SNX29: variants seen among roughly 807,000 people sequenced by gnomAD.
SNX29 encodes the protein sorting nexin-29.
Under a neutral mutation model 102.1 loss-of-function variants are expected in SNX29, and 78 were observed. The ratio of observed to expected loss-of-function variants is 0.76; its 90% CI spans 0.64 to 0.92. The LOEUF (loss-of-function observed/expected upper bound fraction) is 0.92. Among genes scored for constraint, SNX29 ranks in the 40% least tolerant of loss-of-function variants. SNX29 has a pLI of 0.00. For synonymous variants in SNX29, 580 were observed against 414.5 expected, an observed-to-expected ratio of 1.40 and a Z score of -4.85; for missense variants, 1,280 against 1,061.7, an observed-to-expected ratio of 1.21 and a Z score of -2.86.
At chr16:12,561,651 C>T (rs1167529120) in intron 20 of SNX29, among the ~76,000 whole-genome samples, 6 of 152,214 alleles carry the variant, frequency 3.9e-5, no homozygotes, top group African/African-American at 7.2e-5. Context: ...ACAGCCACTC[C>T]TGGGGCCCTC....
chr16:12,385,057 C>G (rs544434935), intron 16 of SNX29, among the ~76,000 whole-genome samples: 1 of 152,306 alleles, frequency 6.6e-6, no homozygotes, highest in South Asian at 2.1e-4. Flanking sequence ...ATAGTACTAG[C>G]TACTTGGGAG....
At chr16:12,051,233 G>T (rs28552858) in intron 7 of SNX29, among the ~76,000 whole-genome samples, 26,777 of 151,896 alleles carry the variant, frequency 0.18, 2,542 homozygotes, top group African/African-American at 0.2. Flanking sequence ...GGAGGCTGAG[G>T]GCAGAGGATT....
At position 12,164,984 on chromosome 16, in the gene SNX29, G is replaced by A. The variant is rs569436189; in HGVS notation, c.1596-34617G>A. On this transcript the variant is annotated intron_variant, in intron 13 of 20. Transcript: ENST00000566228. The stretch of plus-strand genomic sequence containing the variant: ...GTTACAGGTGTGAGCCACCGCACCC[G>A]GCCTTATTCATGCCTTTTTGACTCA... 2.0e-5 allele frequency among the ~76,000 whole-genome samples: 3 copies of A among 152,188 alleles called. No homozygotes were observed. In the East Asian group the frequency reaches 5.8e-4, roughly 29 times the overall value.
intron 11 of SNX29, among the ~76,000 whole-genome samples, chr16:12,115,100 C>T (rs547737772): frequency 6.6e-6 from 1 of 152,266 alleles, no homozygotes; most frequent in Admixed American, 6.5e-5. Flanking sequence ...ACAGTCAAGC[C>T]CAGACCTAGC....
chr16:12,018,944 A>C (rs576007881), intron 3 of SNX29, among the ~76,000 whole-genome samples: 66 of 151,860 alleles, frequency 4.3e-4, no homozygotes, highest in African/African-American at 1.5e-3. Context: ...GAAAGATTTA[A>C]ATCTTTTTGT....
intron 13 of SNX29, among the ~76,000 whole-genome samples, chr16:12,179,616 G>A (rs554298903): frequency 6.6e-6 from 1 of 152,316 alleles, no homozygotes; most frequent in East Asian, 1.9e-4. Flanking sequence ...GTCTCATCTT[G>A]AGTTTATGTT....
At chr16:12,198,816 A>C (rs144106972) in intron 13 of SNX29, among the ~76,000 whole-genome samples, 1 of 152,238 alleles carries the variant, frequency 6.6e-6, no homozygotes, top group East Asian at 1.9e-4. Context: ...TACTGAATGA[A>C]GCATCTTTCC....
chr16:12,145,141 A>T (rs2055013872), intron 13 of SNX29, among the ~76,000 whole-genome samples: 1 of 152,002 alleles, frequency 6.6e-6, no homozygotes, highest in East Asian at 1.9e-4. Context: ...CACAAGTGGG[A>T]TTCTACCATG....
intron 14 of SNX29, among the ~76,000 whole-genome samples, chr16:12,236,248 G>A (rs372862381): frequency 5.3e-5 from 8 of 152,192 alleles, no homozygotes; most frequent in East Asian, 3.9e-4. Flanking sequence ...AAGGGAATGC[G>A]GTCACTGTTA....
At chr16:11,991,085 G>T (rs1055985951) in intron 1 of SNX29, among the ~76,000 whole-genome samples, 1 of 152,318 alleles carries the variant, frequency 6.6e-6, no homozygotes, top group African/African-American at 2.4e-5. Flanking sequence ...TATGCTAAAG[G>T]TGTAGGTTCA....
chr16:12,536,368 G>A (rs1456250055), intron 20 of SNX29, among the ~76,000 whole-genome samples: 2 of 151,998 alleles, frequency 1.3e-5, no homozygotes, highest in African/African-American at 4.8e-5. Flanking sequence ...TGGGGGTAAA[G>A]CTTGTTTATG....
Position 12,061,559 on chromosome 16 carries a change from A to T in SNX29, c.1156A>T (p.Met386Leu). 6.2e-7 allele frequency: 1 copy of T among 1,609,850 alleles called. No individual in the cohort carries two copies. The highest frequency in any genetic ancestry group is 1.7e-4 in the Middle Eastern group (1 of 6,058). ...PLEGNTCLSQ[M>L]HSWAPLKVLH... ...GGAAGGGAACACCTGCCTCTCCCAG[A>T]TGCACAGCTGGGCTCCGCTGAAGGT... Residue 386 changes from methionine (M) to leucine (L), a missense_variant, in exon 9 of 21, where the codon ATG becomes TTG. Transcript: ENST00000566228.
rs542551448 is a variant in SNX29, at chr16:12,501,820, T to A, written c.2179-22882T>A. ...TTCAGCCTAGCAGAGAATTTTATGG[T>A]TTTATTTGTTTACTTATTAAACAAA... is the stretch of plus-strand genomic sequence containing the variant. On this transcript the variant is annotated intron_variant, in intron 19 of 20. Coordinates refer to ENST00000566228, the MANE Select transcript of SNX29 (RefSeq NM_032167.5). Among the ~76,000 whole-genome samples the A allele has an allele frequency of 2.6e-5, 4 of 151,958 alleles. No individual in the cohort carries two copies. In the East Asian group the frequency reaches 5.8e-4, roughly 22 times the overall value.
intron 20 of SNX29, among the ~76,000 whole-genome samples, chr16:12,564,469 G>C (rs557484652): frequency 9.8e-5 from 15 of 152,302 alleles, no homozygotes; most frequent in African/African-American, 3.6e-4. Flanking sequence ...GGGAGGTTAT[G>C]GATCTTTCTC....
intron 20 of SNX29, among the ~76,000 whole-genome samples, chr16:12,549,820 T>G (rs1230308155): frequency 6.6e-6 from 1 of 152,268 alleles, no homozygotes; most frequent in Non-Finnish European, 1.5e-5. Flanking sequence ...GTGCCCTGTG[T>G]GGCCAGGCCT....
chr16:12,499,284 C>CA (rs2088988981), intron 19 of SNX29, among the ~76,000 whole-genome samples: 1 of 152,200 alleles, frequency 6.6e-6, no homozygotes, highest in African/African-American at 2.4e-5. Context: ...CAGATGCCCC[C>CA]AATGCACTGA....
Position 12,570,307 on chromosome 16 carries a change from G to GA in SNX29, c.*1679dup, listed in dbSNP as rs2079159942. ...CAGTTTGCGAGTGTGGAGGACCCGA[G>GA]ACATCCTGTAAAGGCAACTTGGTCT... On this transcript the variant is annotated 3_prime_UTR_variant, in exon 21 of 21. Coordinates refer to ENST00000566228, the MANE Select transcript of SNX29 (RefSeq NM_032167.5). The GA allele has an allele frequency of 9.7e-7, 1 of 1,033,460 alleles. No individual in the cohort carries two copies. The highest frequency in any genetic ancestry group is 1.2e-6 in the Non-Finnish European group (1 of 850,404). The allele number at this position is 1,033,460 out of a possible 1,614,324, so 64.0% of individuals were successfully genotyped here. A position where few individuals can be genotyped will look rare whatever the true frequency, so the allele number is the denominator to read the frequency against.
chr16:12,562,117 C>T (rs947052164), intron 20 of SNX29, among the ~76,000 whole-genome samples: 30 of 152,162 alleles, frequency 2.0e-4, no homozygotes, highest in Non-Finnish European at 4.1e-4. Flanking sequence ...GTTCACTCTC[C>T]TGTGTGACCC....
intron 4 of SNX29, among the ~76,000 whole-genome samples, chr16:12,037,933 C>T (rs397733504): frequency 3.3e-5 from 5 of 151,946 alleles, no homozygotes; most frequent in African/African-American, 4.8e-5. Context: ...CTAGCCTGGG[C>T]GACAGAGTGA....
Sources: gnomAD v4.1 joint callset for allele counts (sites outside exome capture counted in the v4.1 genomes callset) on GRCh38, gnomAD v4.1.1 for gene constraint, MANE v1.5 for transcripts, NCBI Gene and HGNC (gene_info 2026-07-23, HGNC 2026-07-21) for gene names.